Variants in APAF1 observed in about 807,000 individuals in gnomAD.
APAF1 encodes apoptotic protease-activating factor 1.
Under a neutral mutation model 152.4 loss-of-function variants are expected in APAF1, and 91 were observed. The observed-to-expected ratio is 0.60, with a 90% CI of 0.50 to 0.71. APAF1 has a LOEUF of 0.71. APAF1 is among the 30% of genes least tolerant of loss of function. The pLI is 0.00. For synonymous variants in APAF1, 484 were observed against 494.1 expected (o/e 0.98, Z 0.27); for missense variants, 1,283 against 1,472.0 (o/e 0.87, Z 2.10).
In APAF1 at chr12:98,665,559, C is replaced by A. The variant is rs749009060; in HGVS notation, c.962C>A (p.Pro321His). ...HSIIKECKGS[P>H]LVVSLIGALL... ...CTTCATTTTTTTTTTAAAGGCTCTC[C>A]CCTTGTAGTATCTTTAATTGGTGCA... Residue 321 changes from proline to histidine, a missense_variant, in exon 8 of 27, where the codon CCC (proline) becomes CAC (histidine). Coordinates refer to ENST00000551964, the MANE Select transcript of APAF1 (RefSeq NM_181861.2). The A allele has an allele frequency of 6.2e-7, 1 of 1,610,972 alleles. No individual in the cohort carries two copies. The highest frequency in any genetic ancestry group is 8.5e-7 in the Non-Finnish European group (1 of 1,177,616).
chr12:98,709,565 G>C (rs1428347928), intron 20 of APAF1, among the ~76,000 whole-genome samples: 1 of 152,178 alleles, frequency 6.6e-6, no homozygotes, highest in Non-Finnish European at 1.5e-5. Context: ...TGATAGCGTT[G>C]TAGATAGTGG....
At position 98,699,409 on chromosome 12, in the gene APAF1, T is replaced by G; in HGVS notation, c.2306T>G (p.Leu769Arg). Residue 769 changes from leucine (L) to arginine (R), a missense_variant and splice_region_variant, in exon 17 of 27, where the codon CTT (leucine) becomes CGT (arginine). Transcript: ENST00000551964. The stretch of plus-strand genomic sequence containing the variant: ...CTTTTTTATTACTTTAATTCAAAGC[T>G]TTGGGATGCGACATCAGCAAATGAG... ...ASCSADGTLK[L>R]WDATSANERK... 6.2e-7 allele frequency: 1 copy of G among 1,613,958 alleles called. No individual in the cohort carries two copies. Among genetic ancestry groups the G allele is most frequent in the Non-Finnish European group, 8.5e-7 (1 of 1,179,948 alleles).
At chr12:98,668,601 AATC>A (rs1413837842) in intron 10 of APAF1, among the ~76,000 whole-genome samples, 1 of 152,208 alleles carries the variant, frequency 6.6e-6, no homozygotes, top group Non-Finnish European at 1.5e-5. Context: ...AGAGGGGTAG[AATC>A]ATCATGATTT....
chr12:98,671,561 G>A lies in APAF1; in HGVS notation c.1635G>A (p.Gln545=). ...EKDCAVSENF[Q]EFLSLNGHLL... Reference sequence around the variant, plus strand: ...ATTGTGCAGTCAGTGAGAATTTTCAGGAGTTTTTATCTTTAAATGGACACC... The same window carrying A: ...ATTGTGCAGTCAGTGAGAATTTTCAAGAGTTTTTATCTTTAAATGGACACC... Residue 545 remains glutamine (Q), a synonymous_variant, in exon 12 of 27, where the codon CAG becomes CAA. Coordinates refer to ENST00000551964, the MANE Select transcript of APAF1 (RefSeq NM_181861.2). The A allele has an allele frequency of 6.2e-6, 10 of 1,614,044 alleles. No individual in the cohort carries two copies. Among genetic ancestry groups the A allele is most frequent in the Non-Finnish European group, 8.5e-6 (10 of 1,179,968 alleles).
intron 15 of APAF1, 83 bp from the exon 16 acceptor site, chr12:98,686,665 G>C: frequency 7.3e-7 from 1 of 1,377,586 alleles, no homozygotes; most frequent in Non-Finnish European, 1.0e-6. Flanking sequence ...TTAAATGAGA[G>C]AAAAGGAAGA....
chr12:98,717,682 T>C (rs2097736558), intron 22 of APAF1, among the ~76,000 whole-genome samples: 1 of 152,186 alleles, frequency 6.6e-6, no homozygotes, highest in Non-Finnish European at 1.5e-5. Flanking sequence ...GGCTTATATA[T>C]ATAATTTTTT....
chr12:98,680,500 A>C, intron 14 of APAF1, 98 bp downstream of exon 14: 18 of 1,188,146 alleles, frequency 1.5e-5, no homozygotes, highest in Non-Finnish European at 2.2e-5. Context: ...AAGGACTCTC[A>C]CCTGTTGATC....
intron 16 of APAF1, among the ~76,000 whole-genome samples, chr12:98,694,188 A>C (rs2097707375): frequency 6.6e-6 from 1 of 152,226 alleles, no homozygotes; most frequent in Non-Finnish European, 1.5e-5. Context: ...AAAACCTAGG[A>C]AATACCCTTC....
intron 21 of APAF1, among the ~76,000 whole-genome samples, chr12:98,713,638 C>A (rs1371789831): frequency 6.6e-6 from 1 of 152,216 alleles, no homozygotes; most frequent in African/African-American, 2.4e-5. Flanking sequence ...AAGTGAAATT[C>A]ATCCCAAAAG....
chr12:98,704,416 C>T (rs904573423), intron 18 of APAF1, among the ~76,000 whole-genome samples: 4 of 152,204 alleles, frequency 2.6e-5, no homozygotes, highest in Admixed American at 2.6e-4. Context: ...TTCACAGGCT[C>T]CTCATCAAGG....
At position 98,732,579 on chromosome 12, in the gene APAF1, T is replaced by C; in HGVS notation, c.*13T>C. The C allele has an allele frequency of 1.3e-6, 2 of 1,520,762 alleles. No homozygotes were observed. Among genetic ancestry groups the C allele is most frequent in the Non-Finnish European group, 1.8e-6 (2 of 1,103,014 alleles). The allele number at this position is 1,520,762 out of a possible 1,614,324, so 94.2% of individuals were successfully genotyped here. On this transcript the variant is annotated 3_prime_UTR_variant, in exon 27 of 27. Coordinates refer to ENST00000551964, the MANE Select transcript of APAF1 (RefSeq NM_181861.2). ...GACTTTAGAATAAAATAGTTAAGCA[T>C]TAATGTAGTTGAACTTTTTAAATTT...
chr12:98,665,255 CAT>C (rs35804742), intron 7 of APAF1, among the ~76,000 whole-genome samples: 17,563 of 97,508 alleles, frequency 0.18, 1,600 homozygotes, highest in Non-Finnish European at 0.22. Flanking sequence ...TAGACTGGCG[CAT>C]ATATATATAT....
intron 20 of APAF1, among the ~76,000 whole-genome samples, chr12:98,709,562 GT>G (rs1169276939): frequency 6.6e-6 from 1 of 152,162 alleles, no homozygotes; most frequent in Non-Finnish European, 1.5e-5. Context: ...TGGTGATAGC[GT>G]TGTAGATAGT....
chr12:98,653,691 A>ATATAT (rs1429273147), intron 4 of APAF1, among the ~76,000 whole-genome samples: 1 of 15,100 alleles, frequency 6.6e-5, no homozygotes, highest in Non-Finnish European at 1.3e-4. Context: ...AAAAAAAAAA[A>ATATAT]ATATATATAT....
intron 16 of APAF1, among the ~76,000 whole-genome samples, chr12:98,691,248 C>T (rs2288725): frequency 1.3e-5 from 2 of 151,752 alleles, no homozygotes; most frequent in African/African-American, 4.8e-5. Flanking sequence ...TACTGTTCCT[C>T]CCTTTCCTTC....
chr12:98,704,207 C>T (rs1209859728), intron 18 of APAF1, among the ~76,000 whole-genome samples: 1 of 151,954 alleles, frequency 6.6e-6, no homozygotes, highest in East Asian at 1.9e-4. Context: ...TCAAGCAATA[C>T]TCCCCCAGCC....
At position 98,723,641 on chromosome 12, in the gene APAF1, A is replaced by C; in HGVS notation, c.3207A>C (p.Val1069=). ...LSWSFDGTVK[V]WNIITGNKEK... ...AGTGTTTTTTTTTTTTTTTTAAGGT[A>C]TGGAATATTATTACTGGAAATAAAG... The change falls in exon 24 of 27, where the codon GTA becomes GTC. Residue 1069 remains valine, a splice_region_variant and synonymous_variant. Coordinates refer to ENST00000551964, the MANE Select transcript of APAF1 (RefSeq NM_181861.2). 6.8e-7 allele frequency: 1 copy of C among 1,467,292 alleles called. No homozygotes were observed. The highest frequency in any genetic ancestry group is 9.4e-7 in the Non-Finnish European group (1 of 1,068,232). 90.9% of individuals were successfully genotyped at this position (1,467,292 alleles called of 1,614,324 possible).
At chr12:98,678,942 A>C (rs185669852) in intron 13 of APAF1, among the ~76,000 whole-genome samples, 1 of 152,238 alleles carries the variant, frequency 6.6e-6, no homozygotes, top group East Asian at 1.9e-4. Context: ...CTTGGCACCT[A>C]CAGCCTGGGT....
chr12:98,646,162 T>C (rs2097640033), intron 1 of APAF1, among the ~76,000 whole-genome samples: 2 of 152,350 alleles, frequency 1.3e-5, no homozygotes, highest in South Asian at 2.1e-4. Context: ...CTAGGTGAAA[T>C]TGGAAATTAG....
Sources: gnomAD v4.1 joint callset for allele counts (sites outside exome capture counted in the v4.1 genomes callset) on GRCh38, gnomAD v4.1.1 for gene constraint, MANE v1.5 for transcripts, NCBI Gene and HGNC (gene_info 2026-07-23, HGNC 2026-07-21) for gene names.